CHL1: variants seen among roughly 807,000 people sequenced by gnomAD.
The protein encoded by CHL1 is cell adhesion molecule L1 like.
Under a neutral mutation model 141.9 loss-of-function variants are expected in CHL1, and 96 were observed. The ratio of observed to expected loss-of-function variants is 0.68; its 90% confidence interval spans 0.57 to 0.80. The LOEUF is 0.80. CHL1 is among the 30% of genes least tolerant of loss of function. The probability of loss-of-function intolerance (pLI) is 0.00; values close to 1 mark genes in which losing one functional copy is unlikely to be tolerated. For synonymous variants in CHL1, 613 were observed against 502.2 expected, an observed-to-expected ratio of 1.22 and a Z score of -2.95; for missense variants, 1,820 against 1,457.2, an observed-to-expected ratio of 1.25 and a Z score of -4.05.
intron 13 of CHL1, among the ~76,000 whole-genome samples, chr3:362,577 C>T (rs920693291): frequency 2.6e-5 from 4 of 151,940 alleles, no homozygotes; most frequent in African/African-American, 7.3e-5. Flanking sequence ...TCAGCCTAGT[C>T]CCTGTCCTGT....
intron 3 of CHL1, among the ~76,000 whole-genome samples, chr3:323,558 CTA>C (rs1444473787): frequency 6.6e-6 from 1 of 152,120 alleles, no homozygotes; most frequent in East Asian, 1.9e-4. Context: ...GTTTAAAAAA[CTA>C]CACTTGTATC....
intron 2 of CHL1, among the ~76,000 whole-genome samples, chr3:294,117 A>C (rs1200271141): frequency 6.6e-6 from 1 of 151,898 alleles, no homozygotes; most frequent in Non-Finnish European, 1.5e-5. Flanking sequence ...CTAGGAGTTC[A>C]AGACCAGACT....
intron 18 of CHL1, among the ~76,000 whole-genome samples, chr3:383,362 G>T (rs1052425905): frequency 4.6e-5 from 7 of 152,046 alleles, no homozygotes; most frequent in African/African-American, 1.4e-4. Flanking sequence ...TATTCATTTT[G>T]ATGTCCTTAA....
intron 1 of CHL1, among the ~76,000 whole-genome samples, chr3:219,818 T>C (rs192077750): frequency 6.6e-6 from 1 of 152,240 alleles, no homozygotes; most frequent in African/African-American, 2.4e-5. Context: ...AACTGGCACA[T>C]GTACCCCTGA....
At position 394,026 on chromosome 3, in the gene CHL1, T is replaced by A. The variant is rs115719193; in HGVS notation, c.2915-667T>A. On this transcript the variant is annotated intron_variant, in intron 23 of 27. Transcript: ENST00000256509. Reference sequence around the variant, plus strand: ...TTCATCTCTTGGACTATTGTTACAGTAATCTTATAATACTCCATACTCTTA... The same window carrying A: ...TTCATCTCTTGGACTATTGTTACAGAAATCTTATAATACTCCATACTCTTA... Among the ~76,000 whole-genome samples, 384 of 152,328 alleles carry A rather than the reference T, an allele frequency of 2.5e-3. 3 individuals carry two copies. The highest frequency in any genetic ancestry group is 8.7e-3 in the African/African-American group (361 of 41,570).
intron 5 of CHL1, among the ~76,000 whole-genome samples, chr3:337,524 AC>A (rs1441500153): frequency 1.7e-5 from 1 of 59,432 alleles, no homozygotes; most frequent in East Asian, 5.0e-4. Context: ...CTCTCCCCCC[AC>A]CCCACAACAG....
chr3:330,133 T>C (rs1701322862), intron 5 of CHL1, among the ~76,000 whole-genome samples: 1 of 152,084 alleles, frequency 6.6e-6, no homozygotes, highest in Non-Finnish European at 1.5e-5. Flanking sequence ...TATATTGGGC[T>C]ATGAGGAAAA....
Position 382,277 on chromosome 3 carries a change from A to T in CHL1, c.1975A>T (p.Ser659Cys). 1 of 1,612,554 alleles carries T rather than the reference A, an allele frequency of 6.2e-7. No homozygotes were observed. Among genetic ancestry groups the T allele is most frequent in the Non-Finnish European group, 8.5e-7 (1 of 1,178,744 alleles). ...EAGADHNSNI[S>C]EYIVEFEGNK... The stretch of plus-strand genomic sequence containing the variant: ...TGGAGCTGACCACAACAGCAATATT[A>T]GCGGTAGGAAGACTTGGGATAACTG... The change falls in exon 17 of 28, where the codon AGC (serine) becomes TGC (cysteine). Residue 659 changes from serine (S) to cysteine (C), a missense_variant. By Grantham distance (112) the Ser-to-Cys change is moderately radical. Coordinates refer to ENST00000256509, the MANE Select transcript of CHL1 (RefSeq NM_006614.4).
At chr3:245,059 G>A (rs370688231) in intron 2 of CHL1, among the ~76,000 whole-genome samples, 2 of 152,042 alleles carry the variant, frequency 1.3e-5, no homozygotes, top group Non-Finnish European at 2.9e-5. Context: ...GACTTCTAAG[G>A]AGGCTTGAAG....
chr3:401,379 C>T (rs1036713543), intron 26 of CHL1, among the ~76,000 whole-genome samples: 5 of 152,144 alleles, frequency 3.3e-5, no homozygotes, highest in South Asian at 4.1e-4. Flanking sequence ...TGAGTAGTCA[C>T]GTGAAAATAT....
At chr3:307,904 T>G (rs1367781137) in intron 2 of CHL1, among the ~76,000 whole-genome samples, 10 of 152,232 alleles carry the variant, frequency 6.6e-5, no homozygotes, top group South Asian at 2.1e-4. Flanking sequence ...GCTAAAGTAT[T>G]TTAAAGTAAA....
chr3:242,693 C>CGG (rs1559326220), intron 1 of CHL1, among the ~76,000 whole-genome samples: 1 of 144,754 alleles, frequency 6.9e-6, no homozygotes, highest in Non-Finnish European at 1.6e-5. Context: ...CACACACACA[C>CGG]ACACAGAGAG....
Position 328,173 on chromosome 3 carries a change from G to T in CHL1, c.204G>T (p.Ser68=). The T allele has an allele frequency of 6.2e-7, 1 of 1,600,014 alleles. No individual in the cohort carries two copies. The highest frequency in any genetic ancestry group is 8.5e-7 in the Non-Finnish European group (1 of 1,172,702). Residue 68 remains serine, a synonymous_variant, in exon 5 of 28, where the codon TCG becomes TCT. Transcript: ENST00000256509. ...GTTCAGTTTTATGTTTTAGATTTTC[G>T]TGGACTAAGGATGGCAACCCTTTTT... ...EAKGNPEPTF[S]WTKDGNPFYF...
intron 17 of CHL1, 63 bp downstream of exon 17, chr3:382,343 CT>C (rs1707152818): frequency 4.7e-6 from 7 of 1,505,244 alleles, no homozygotes; most frequent in Non-Finnish European, 6.4e-6. Context: ...AGCGAAGTCA[CT>C]TTTTAACCAC....
At chr3:368,786 G>C (rs1370520432) in intron 15 of CHL1, among the ~76,000 whole-genome samples, 2 of 152,114 alleles carry the variant, frequency 1.3e-5, no homozygotes, top group South Asian at 4.1e-4. Context: ...TGTAAGGAAG[G>C]GGTTTACTTT....
At chr3:255,293 C>T (rs381233) in intron 2 of CHL1, among the ~76,000 whole-genome samples, 25,212 of 152,018 alleles carry the variant, frequency 0.17, 2,338 homozygotes, top group East Asian at 0.39. Flanking sequence ...GACTGGAGTC[C>T]CAGCTGCTAG....
intron 2 of CHL1, among the ~76,000 whole-genome samples, chr3:301,120 T>C (rs1698688543): frequency 6.6e-6 from 1 of 152,164 alleles, no homozygotes; most frequent in East Asian, 1.9e-4. Context: ...CTCCTTTACA[T>C]GAGCAATACA....
At chr3:301,791 T>C (rs941075696) in intron 2 of CHL1, among the ~76,000 whole-genome samples, 1 of 152,206 alleles carries the variant, frequency 6.6e-6, no homozygotes, top group African/African-American at 2.4e-5. Context: ...GGGTTACATG[T>C]ACAGAACATG....
At chr3:320,122 A>G (rs1700446985) in intron 3 of CHL1, among the ~76,000 whole-genome samples, 1 of 152,038 alleles carries the variant, frequency 6.6e-6, no homozygotes, top group South Asian at 2.1e-4. Context: ...TAACCTATAG[A>G]TAAGCTAGTA....
Sources: allele counts gnomAD v4.1 joint callset (sites outside exome capture counted in the v4.1 genomes callset), GRCh38; gene constraint gnomAD v4.1.1; transcripts MANE v1.5; gene names NCBI Gene and HGNC (gene_info 2026-07-23, HGNC 2026-07-21).